CSMD1: variants seen among roughly 807,000 people sequenced by gnomAD.
CSMD1 encodes CUB and sushi domain-containing protein 1.
A neutral mutation model predicts 417.5 loss-of-function variants in CSMD1; 213 were observed. That is an observed-to-expected ratio of 0.51 (90% CI 0.46 to 0.57). CSMD1 has a LOEUF of 0.57. CSMD1 is among the 20% of genes least tolerant of loss of function. CSMD1 has a pLI of 0.00. For synonymous variants in CSMD1, 2,862 were observed against 1,736.8 expected (o/e 1.65, Z -16.11); for missense variants, 6,923 against 4,529.7 (o/e 1.53, Z -15.17).
chr8:4,870,566 G>C (rs1356754728), intron 1 of CSMD1, among the ~76,000 whole-genome samples: 1 of 152,070 alleles, frequency 6.6e-6, no homozygotes, highest in East Asian at 1.9e-4. Flanking sequence ...GTCTCAGCCA[G>C]GCTTCTCTAG....
At position 2,973,101 on chromosome 8, in the gene CSMD1, G is replaced by C. The variant is rs149522240; in HGVS notation, c.8923+16C>G. ...TTTAACTTTCAAGGTGGACCTTAAG[G>C]CTTCTGGCTACTCACCCTCACACAC... On this transcript the variant is annotated intron_variant, in intron 57 of 69. Coordinates refer to ENST00000635120, the MANE Select transcript of CSMD1 (RefSeq NM_033225.6). The C allele has an allele frequency of 1.2e-4, 186 of 1,610,530 alleles. No individual in the cohort carries two copies. The East Asian group carries it at 3.3e-3, about 28-fold the overall frequency.
chr8:4,866,960 A>T (rs920453747), intron 1 of CSMD1, among the ~76,000 whole-genome samples: 1 of 152,020 alleles, frequency 6.6e-6, no homozygotes, highest in Non-Finnish European at 1.5e-5. Flanking sequence ...TATATGGAAC[A>T]ATCTTAAATA....
intron 1 of CSMD1, among the ~76,000 whole-genome samples, chr8:4,935,741 T>C (rs7015150): frequency 0.31 from 47,118 of 152,030 alleles, 8,253 homozygotes; most frequent in Middle Eastern, 0.4. Context: ...TAGAAGAAAA[T>C]AAAATCTGAG....
intron 5 of CSMD1, among the ~76,000 whole-genome samples, chr8:3,770,471 G>C (rs1282106124): frequency 6.6e-6 from 1 of 152,148 alleles, no homozygotes; most frequent in Non-Finnish European, 1.5e-5. Flanking sequence ...AGAGATTGCA[G>C]TGAGCCAAGA....
chr8:3,316,973 G>C (rs1312751761), intron 23 of CSMD1, among the ~76,000 whole-genome samples: 3 of 152,172 alleles, frequency 2.0e-5, no homozygotes, highest in Non-Finnish European at 2.9e-5. Context: ...CAGTGGATGT[G>C]GGGAGGGGAT....
At position 2,935,770 on chromosome 8, in the gene CSMD1, C is replaced by G. The variant is rs1801412207; in HGVS notation, c.*2815G>C. The G allele has an allele frequency of 6.6e-6, 1 of 152,112 alleles. No individual in the cohort carries two copies. The highest frequency in any genetic ancestry group is 1.5e-5 in the Non-Finnish European group (1 of 68,036). 9.4% of individuals were successfully genotyped at this position (152,112 alleles called of 1,614,324 possible). ...ACAATGGGTTTTCCTGATCATAATG[C>G]CAGCGTTCTTTTTTTTACCCCCTTT... On this transcript the variant is annotated 3_prime_UTR_variant, in exon 70 of 70. Coordinates refer to ENST00000635120, the MANE Select transcript of CSMD1 (RefSeq NM_033225.6).
Position 3,581,149 on chromosome 8 carries a change from C to T in CSMD1, c.1222+4987G>A, listed in dbSNP as rs78022379. 3.4e-3 allele frequency among the ~76,000 whole-genome samples: 517 copies of T among 152,246 alleles called. 5 individuals carry two copies. The highest frequency in any genetic ancestry group is 0.025 in the Admixed American group (375 of 15,284). On this transcript the variant is annotated intron_variant, in intron 9 of 69. Coordinates refer to ENST00000635120, the MANE Select transcript of CSMD1 (RefSeq NM_033225.6). ...TCTCTACATAAATCGCCCCTAAAGA[C>T]TGATGGAATGAAGTACCAGCCTGAA...
intron 2 of CSMD1, among the ~76,000 whole-genome samples, chr8:4,590,555 T>C (rs920648740): frequency 7.2e-5 from 11 of 152,038 alleles, no homozygotes; most frequent in Non-Finnish European, 1.3e-4. Flanking sequence ...TCTCCCTATA[T>C]GCTTTTAAAA....
intron 30 of CSMD1, among the ~76,000 whole-genome samples, chr8:3,208,580 G>C (rs752121260): frequency 6.6e-6 from 1 of 152,062 alleles, no homozygotes; most frequent in Non-Finnish European, 1.5e-5. Flanking sequence ...TTTTGTGATT[G>C]TTAATACTGA....
chr8:4,047,559 G>A (rs1489400115), intron 3 of CSMD1, among the ~76,000 whole-genome samples: 1 of 150,574 alleles, frequency 6.6e-6, no homozygotes, highest in Non-Finnish European at 1.5e-5. Context: ...AATATTTATA[G>A]AATGCAAATT....
intron 5 of CSMD1, among the ~76,000 whole-genome samples, chr8:3,903,447 G>C (rs1397931026): frequency 2.6e-5 from 4 of 152,112 alleles, no homozygotes; most frequent in Non-Finnish European, 5.9e-5. Flanking sequence ...TACACATTAT[G>C]TAAAATATTA....
chr8:3,914,453 T>G (rs1023196597), intron 5 of CSMD1, among the ~76,000 whole-genome samples: 5 of 152,212 alleles, frequency 3.3e-5, no homozygotes, highest in Admixed American at 2.6e-4. Context: ...TTTCTAACGC[T>G]AATTATTATT....
chr8:2,971,328 C>T (rs765922468), intron 57 of CSMD1, among the ~76,000 whole-genome samples: 8 of 152,092 alleles, frequency 5.3e-5, no homozygotes, highest in Non-Finnish European at 7.3e-5. Flanking sequence ...CAATCCGAGA[C>T]CACACATTGC....
chr8:4,547,659 C>G lies in CSMD1; in HGVS notation c.302+89683G>C, dbSNP rs541833163. 3.3e-5 allele frequency among the ~76,000 whole-genome samples: 5 copies of G among 152,194 alleles called. No individual in the cohort carries two copies. In the East Asian group the frequency reaches 7.7e-4, roughly 24 times the overall value. On this transcript the variant is annotated intron_variant, in intron 2 of 69. Transcript: ENST00000635120. The stretch of plus-strand genomic sequence containing the variant: ...AACATTATACTCAATGAATGTAAAA[C>G]GAATGATTGAGTTCTGTATGAGAAA...
intron 2 of CSMD1, among the ~76,000 whole-genome samples, chr8:4,506,806 A>G (rs1187580898): frequency 6.6e-6 from 1 of 152,224 alleles, no homozygotes; most frequent in Non-Finnish European, 1.5e-5. Flanking sequence ...AATTTACAGA[A>G]TAACTACACA....
chr8:3,080,996 G>GA (rs1814055521), intron 49 of CSMD1, among the ~76,000 whole-genome samples: 1 of 152,142 alleles, frequency 6.6e-6, no homozygotes, highest in Admixed American at 6.5e-5. Flanking sequence ...TCTTTAAAAG[G>GA]AAAAATATTC....
At chr8:3,195,621 T>G (rs969108747) in intron 33 of CSMD1, among the ~76,000 whole-genome samples, 3 of 152,150 alleles carry the variant, frequency 2.0e-5, no homozygotes, top group Non-Finnish European at 4.4e-5. Flanking sequence ...CGGCCAGTAA[T>G]GCAGGTCCTG....
chr8:4,184,723 G>GT (rs1798567118), intron 3 of CSMD1, among the ~76,000 whole-genome samples: 1 of 152,070 alleles, frequency 6.6e-6, no homozygotes, highest in South Asian at 2.1e-4. Context: ...GGAGGGGACC[G>GT]TGAAAAATAA....
chr8:3,876,817 G>T (rs1805856113), intron 5 of CSMD1, among the ~76,000 whole-genome samples: 1 of 152,172 alleles, frequency 6.6e-6, no homozygotes. Flanking sequence ...TCACCATGTT[G>T]CCCAAGGTGG....
Sources: allele counts gnomAD v4.1 joint callset (sites outside exome capture counted in the v4.1 genomes callset), GRCh38; gene constraint gnomAD v4.1.1; transcripts MANE v1.5; gene names NCBI Gene and HGNC (gene_info 2026-07-23, HGNC 2026-07-21).